The following CUX1 variants were observed in gnomAD, a reference collection of about 807,000 sequenced individuals.
The protein encoded by CUX1 is protein CASP.
CUX1 carries 31 observed loss-of-function variants against 158.8 expected under a neutral mutation model. The observed-to-expected ratio is 0.20, with a 90% confidence interval of 0.15 to 0.26. CUX1 has a LOEUF of 0.26. Ranked by LOEUF, CUX1 falls within the 10% of genes least tolerant of loss-of-function variation. CUX1 has a pLI of 1.00. For synonymous variants in CUX1, 879 were observed against 862.1 expected, an observed-to-expected ratio of 1.02 and a Z score of -0.34; for missense variants, 1,589 against 2,014.6, an observed-to-expected ratio of 0.79 and a Z score of 4.04.
Position 102,248,954 on chromosome 7 carries a change from G to T in CUX1, c.4430G>T (p.Arg1477Leu). 1.3e-6 allele frequency: 2 copies of T among 1,486,930 alleles called. No homozygotes were observed. Among genetic ancestry groups the T allele is most frequent in the East Asian group, 2.8e-5 (1 of 35,514 alleles). The allele number at this position is 1,486,930 out of a possible 1,614,324, so 92.1% of individuals were successfully genotyped here. The change falls in exon 24 of 24, where the codon CGC becomes CTC. Residue 1477 changes from arginine to leucine, a missense_variant. Arg to Leu is a moderately radical substitution (Grantham distance 102). Coordinates refer to ENST00000292535, the MANE Select transcript of CUX1 (RefSeq NM_181552.4). This position sits in a 1 kb window ranked among gnomAD's most constrained non-coding sequence, Gnocchi z 5.8. ...CGGGACTCGCGCGACAACCCCCTGCGCAAGAAGAAGGCCGCGAACTTGAAC... is the reference window on the plus strand; with the variant it reads ...CGGGACTCGCGCGACAACCCCCTGCTCAAGAAGAAGGCCGCGAACTTGAAC... ...GARDSRDNPLRKKKAANLNSI... is the reference protein window; with the variant it reads ...GARDSRDNPLLKKKAANLNSI...
intron 8 of CUX1, among the ~76,000 whole-genome samples, chr7:102,123,274 T>C (rs1163157603): frequency 6.6e-6 from 1 of 151,358 alleles, no homozygotes; most frequent in Non-Finnish European, 1.5e-5. Context: ...TGGCCATGTA[T>C]ATAAACATGT....
At chr7:101,983,182 G>A (rs188084449) in intron 2 of CUX1, among the ~76,000 whole-genome samples, 9 of 152,250 alleles carry the variant, frequency 5.9e-5, no homozygotes, top group Non-Finnish European at 1.3e-4. Context: ...AGTTCTGCTG[G>A]GGATGTGGGA....
At chr7:102,119,051 G>C (rs1349651315) in intron 8 of CUX1, among the ~76,000 whole-genome samples, 1 of 152,094 alleles carries the variant, frequency 6.6e-6, no homozygotes, top group Non-Finnish European at 1.5e-5. Flanking sequence ...CACCCAGCAT[G>C]CTAGGTGGTT....
intron 8 of CUX1, among the ~76,000 whole-genome samples, chr7:102,158,238 G>A (rs1294667738): frequency 6.6e-6 from 1 of 151,874 alleles, no homozygotes; most frequent in African/African-American, 2.4e-5. Context: ...TTTTTTCAGA[G>A]CACTCTGCTC....
intron 8 of CUX1, among the ~76,000 whole-genome samples, chr7:102,133,229 G>A (rs181294324): frequency 0.015 from 2,289 of 152,098 alleles, 42 homozygotes; most frequent in Non-Finnish European, 0.021. Flanking sequence ...CCTCATCTTA[G>A]GCCAACTCAA....
chr7:101,864,255 G>A (rs1311160696), intron 1 of CUX1, among the ~76,000 whole-genome samples: 1 of 151,600 alleles, frequency 6.6e-6, no homozygotes, highest in African/African-American at 2.4e-5. Context: ...TGACCTCCTA[G>A]GCTCAATCAA....
intron 3 of CUX1, among the ~76,000 whole-genome samples, chr7:102,037,643 C>T (rs1387394098): frequency 6.7e-6 from 1 of 149,452 alleles, no homozygotes; most frequent in Non-Finnish European, 1.5e-5. Context: ...TGAGCCACCA[C>T]GCCCGGCCCT....
intron 8 of CUX1, among the ~76,000 whole-genome samples, chr7:102,146,237 G>C (rs541562007): frequency 1.3e-5 from 2 of 152,264 alleles, no homozygotes; most frequent in South Asian, 4.1e-4. Context: ...TGCAATATCA[G>C]AGCCTCATTC....
chr7:101,917,369 G>A (rs1404269968), intron 2 of CUX1, among the ~76,000 whole-genome samples: 1 of 152,316 alleles, frequency 6.6e-6, no homozygotes, highest in Admixed American at 6.5e-5. Flanking sequence ...GAGAAAGCTT[G>A]GTAGCAGAGT....
At chr7:102,278,669 A>T (rs948405054) in intron 18 of CUX1, among the ~76,000 whole-genome samples, 3 of 146,542 alleles carry the variant, frequency 2.0e-5, no homozygotes, top group African/African-American at 7.4e-5. Context: ...AAATAAAATA[A>T]AATATAAAAT....
At chr7:101,823,762 A>G (rs1792946565) in intron 1 of CUX1, among the ~76,000 whole-genome samples, 1 of 152,218 alleles carries the variant, frequency 6.6e-6, no homozygotes, top group Non-Finnish European at 1.5e-5. Context: ...TGGTTAAGGG[A>G]AAAACAAATT....
At chr7:102,010,592 T>C (rs1229599654) in intron 2 of CUX1, among the ~76,000 whole-genome samples, 1 of 152,122 alleles carries the variant, frequency 6.6e-6, no homozygotes, top group Non-Finnish European at 1.5e-5. Flanking sequence ...AGAGATGACA[T>C]TGTCTGTTAC....
chr7:102,013,623 G>A (rs1442339136), intron 2 of CUX1, among the ~76,000 whole-genome samples: 4 of 152,168 alleles, frequency 2.6e-5, no homozygotes, highest in African/African-American at 9.7e-5. Context: ...CATATACAGC[G>A]TATTTTCTGT....
At chr7:101,925,933 G>A (rs1156286933) in intron 2 of CUX1, among the ~76,000 whole-genome samples, 4 of 146,522 alleles carry the variant, frequency 2.7e-5, no homozygotes, top group Non-Finnish European at 4.5e-5. Context: ...TATAACCCCC[G>A]TCTCAAAACA....
chr7:102,237,286 G>A (rs445646), intron 22 of CUX1, among the ~76,000 whole-genome samples: 73,604 of 151,810 alleles, frequency 0.48, 20,067 homozygotes, highest in East Asian at 0.92. Flanking sequence ...GGGCAGTGAT[G>A]CAATCATAGC....
chr7:102,051,118 A>C (rs1247440252), intron 3 of CUX1, among the ~76,000 whole-genome samples: 1 of 151,152 alleles, frequency 6.6e-6, no homozygotes, highest in African/African-American at 2.4e-5. Flanking sequence ...TCCTCACCTC[A>C]CGTATCCCCA....
intron 8 of CUX1, among the ~76,000 whole-genome samples, chr7:102,127,333 A>T (rs553671230): frequency 2.0e-5 from 3 of 152,102 alleles, no homozygotes; most frequent in African/African-American, 7.2e-5. Context: ...CAGCCTCCCG[A>T]GTAGCTAGGA....
rs1303809816 is a variant in CUX1, at chr7:102,196,580, T to TC, written c.1223-54_1223-53insC. 2.1e-6 allele frequency: 3 copies of TC among 1,408,590 alleles called. No individual in the cohort carries two copies. In the African/African-American group the frequency reaches 4.3e-5, roughly 20 times the overall value. 87.3% of individuals were successfully genotyped at this position (1,408,590 alleles called of 1,614,324 possible). On this transcript the variant is annotated intron_variant, in intron 14 of 23. Coordinates refer to ENST00000292535, the MANE Select transcript of CUX1 (RefSeq NM_181552.4). ...AACTTTTGCATTTTGGTCTTGGTTTTTTTTTCCCCCTTTGGAATCCCCCAT... is the reference window on the plus strand; with the variant it reads ...AACTTTTGCATTTTGGTCTTGGTTTTCTTTTTCCCCCTTTGGAATCCCCCAT...
chr7:101,993,970 T>C (rs1196220550), intron 2 of CUX1, among the ~76,000 whole-genome samples: 1 of 152,172 alleles, frequency 6.6e-6, no homozygotes, highest in Non-Finnish European at 1.5e-5. Context: ...TCTGCCTGGC[T>C]GCCATTCATG....
Sources: allele counts gnomAD v4.1 joint callset (sites outside exome capture counted in the v4.1 genomes callset), GRCh38; gene constraint gnomAD v4.1.1; non-coding constraint Gnocchi (gnomAD v3.1); transcripts MANE v1.5; gene names NCBI Gene and HGNC (gene_info 2026-07-23, HGNC 2026-07-21).